Variants in MAP1B observed in about 807,000 individuals in gnomAD.
MAP1B encodes the protein microtubule associated protein 1B.
In MAP1B, 12 loss-of-function variants were observed where a neutral mutation model predicts 176.1. That is an observed-to-expected ratio of 0.07 (90% CI 0.04 to 0.11). The LOEUF is 0.11. Among genes scored for constraint, MAP1B ranks in the 10% least tolerant of loss-of-function variants. MAP1B has a pLI of 1.00. For synonymous variants in MAP1B, 1,044 were observed against 1,135.0 expected, an observed-to-expected ratio of 0.92 and a Z score of 1.61; for missense variants, 2,523 against 2,990.5, an observed-to-expected ratio of 0.84 and a Z score of 3.65.
chr5:72,118,444 AG>A (rs1459602076), intron 2 of MAP1B, among the ~76,000 whole-genome samples: 1 of 152,218 alleles, frequency 6.6e-6, no homozygotes. Context: ...CAGGCATTAT[AG>A]GGTGCTTGGT....
At chr5:72,146,552 C>G (rs1326303368) in intron 2 of MAP1B, among the ~76,000 whole-genome samples, 1 of 152,188 alleles carries the variant, frequency 6.6e-6, no homozygotes, top group African/African-American at 2.4e-5. Flanking sequence ...ATCCTCATAG[C>G]CTTCCAAGAG....
At chr5:72,161,956 C>CAAAAAAAAAAAAAAAAAAAAAA (rs4043357) in intron 2 of MAP1B, among the ~76,000 whole-genome samples, 2 of 85,022 alleles carry the variant, frequency 2.4e-5, no homozygotes, top group Non-Finnish European at 4.6e-5. Flanking sequence ...AATTCCGTCT[C>CAAAAAAAAAAAAAAAAAAAAAA]AAAAAAAAAA....
At chr5:72,121,585 C>T (rs753955808) in intron 2 of MAP1B, among the ~76,000 whole-genome samples, 11 of 152,170 alleles carry the variant, frequency 7.2e-5, no homozygotes, top group Non-Finnish European at 1.2e-4. Flanking sequence ...TTAGAATCAG[C>T]CCTTTGAATT....
chr5:72,143,702 A>C (rs1386761413), intron 2 of MAP1B, among the ~76,000 whole-genome samples: 1 of 152,174 alleles, frequency 6.6e-6, no homozygotes, highest in Non-Finnish European at 1.5e-5. Context: ...ATTGTCTCAC[A>C]TTCCAAGAGG....
In MAP1B at chr5:72,206,275, C is replaced by T. The variant is rs538062196; in HGVS notation, c.*1036C>T. The T allele has an allele frequency of 2.0e-5, 3 of 152,738 alleles. No homozygotes were observed. The highest frequency in any genetic ancestry group is 4.4e-5 in the Non-Finnish European group (3 of 68,040). 9.5% of individuals were successfully genotyped at this position (152,738 alleles called of 1,614,324 possible). On this transcript the variant is annotated 3_prime_UTR_variant, in exon 7 of 7. Coordinates refer to ENST00000296755, the MANE Select transcript of MAP1B (RefSeq NM_005909.5). ...AAACATCCATATAGGATTATAGATA[C>T]TTAAAGGAACACGTGGGTGAGCGTG...
At chr5:72,188,833 C>T (rs1310200450) in intron 4 of MAP1B, among the ~76,000 whole-genome samples, 1 of 152,202 alleles carries the variant, frequency 6.6e-6, no homozygotes, top group Non-Finnish European at 1.5e-5. Context: ...TTTGATTATA[C>T]TCAGGCAGGT....
intron 2 of MAP1B, among the ~76,000 whole-genome samples, chr5:72,141,859 A>T (rs1745954333): frequency 6.6e-6 from 1 of 152,176 alleles, no homozygotes; most frequent in African/African-American, 2.4e-5. Context: ...TTCCACCCTA[A>T]TTCTGGATTA....
intron 1 of MAP1B, 59 bp from the exon 2 acceptor site, chr5:72,115,639 C>G: frequency 1.0e-6 from 1 of 958,726 alleles, no homozygotes; most frequent in South Asian, 1.3e-5. Context: ...TGATGTTGTC[C>G]AAACCACTCT....
rs532036068 is a variant in MAP1B at position 72,201,765 on chromosome 5, G to T, written c.7012+1398G>T. 2.0e-5 allele frequency among the ~76,000 whole-genome samples: 3 copies of T among 152,274 alleles called. No homozygotes were observed. In the South Asian group the frequency reaches 6.2e-4, roughly 32 times the overall value. On this transcript the variant is annotated intron_variant, in intron 5 of 6. Coordinates refer to ENST00000296755, the MANE Select transcript of MAP1B (RefSeq NM_005909.5). ...ACTTTAGGATACATTTGTTAAAACTGCAAATTTTTACTTTAAACAATATGG... is the reference window on the plus strand; with the variant it reads ...ACTTTAGGATACATTTGTTAAAACTTCAAATTTTTACTTTAAACAATATGG...
intron 2 of MAP1B, among the ~76,000 whole-genome samples, chr5:72,167,155 A>G (rs1052943799): frequency 1.8e-4 from 27 of 152,106 alleles, no homozygotes. Context: ...AATTTACATC[A>G]TGGTTTAGCG....
rs1183155437 is a variant in MAP1B, at chr5:72,195,127, A to G, written c.1772A>G (p.Asp591Gly). 4 of 1,613,522 alleles carry G rather than the reference A, an allele frequency of 2.5e-6. No individual in the cohort carries two copies. The highest frequency in any genetic ancestry group is 3.3e-5 in the Admixed American group (2 of 59,972). Reference protein sequence around the residue: ...ESKEKVMVKKDKPIKTETKPS... With the variant: ...ESKEKVMVKKGKPIKTETKPS... Reference sequence around the variant, plus strand: ...AAAGAAAAGGTAATGGTGAAAAAAGACAAGCCAATAAAAACAGAGACCAAA... The same window carrying G: ...AAAGAAAAGGTAATGGTGAAAAAAGGCAAGCCAATAAAAACAGAGACCAAA... Residue 591 changes from aspartate (D) to glycine (G), a missense_variant, in exon 5 of 7, where the codon GAC becomes GGC. Around this residue, in one of 4 missense-constraint regions of MAP1B, gnomAD observed 1,925 missense variants for 2,126.0 expected, o/e 0.91. Transcript: ENST00000296755.
At chr5:72,110,055 G>T (rs918871199) in intron 1 of MAP1B, among the ~76,000 whole-genome samples, 2 of 152,124 alleles carry the variant, frequency 1.3e-5, no homozygotes, top group Non-Finnish European at 2.9e-5. Context: ...ATTCAGATTT[G>T]TCTTCTTGAC....
Position 72,199,291 on chromosome 5 carries a change from G to A in MAP1B, c.5936G>A (p.Arg1979Lys), listed in dbSNP as rs557936552. The A allele has an allele frequency of 1.3e-5, 21 of 1,614,104 alleles. No homozygotes were observed. Among genetic ancestry groups the A allele is most frequent in the Admixed American group, 5.0e-5 (3 of 60,030 alleles). The change falls in exon 5 of 7, where the codon AGG (arginine) becomes AAG (lysine). Residue 1979 changes from arginine (R) to lysine (K), a missense_variant. By Grantham distance (26) the Arg-to-Lys change is conservative. This residue lies in a region of MAP1B where 1,925 missense variants were observed against 2,126.0 expected (regional missense o/e 0.91). Coordinates refer to ENST00000296755, the MANE Select transcript of MAP1B (RefSeq NM_005909.5). The surrounding 1 kb of genome is among the most constrained non-coding windows in gnomAD (Gnocchi z 4.2). ...VSGYSYEKTE[R>K]SRRLLDDISN... Reference sequence around the variant, plus strand: ...GGTTACAGCTATGAAAAGACTGAGAGGTCTAGAAGGCTTCTGGATGACATC... The same window carrying A: ...GGTTACAGCTATGAAAAGACTGAGAAGTCTAGAAGGCTTCTGGATGACATC...
At position 72,196,100 on chromosome 5, in the gene MAP1B, C is replaced by T. The variant is rs1747159510; in HGVS notation, c.2745C>T (p.Val915=). 1.5e-5 allele frequency: 24 copies of T among 1,613,772 alleles called. No individual in the cohort carries two copies. Among genetic ancestry groups the T allele is most frequent in the Non-Finnish European group, 1.9e-5 (22 of 1,180,010 alleles). Residue 915 remains valine, a synonymous_variant, in exon 5 of 7, where the codon GTC becomes GTT. Coordinates refer to ENST00000296755, the MANE Select transcript of MAP1B (RefSeq NM_005909.5). The surrounding 1 kb of genome is among the most constrained non-coding windows in gnomAD (Gnocchi z 5.3). ...AGACACCTGAGGAGCTGGAGCCCGT[C>T]GAGAAGCAGGGAGTAGACGACATTG... ...CEQTPEELEP[V]EKQGVDDIEK...
chr5:72,177,488 C>T (rs1746673639), intron 2 of MAP1B, among the ~76,000 whole-genome samples: 1 of 152,172 alleles, frequency 6.6e-6, no homozygotes, highest in Non-Finnish European at 1.5e-5. Flanking sequence ...GGCCAGGCCT[C>T]TGGGCCCCAG....
chr5:72,187,973 TCA>T (rs1321089476), intron 4 of MAP1B, among the ~76,000 whole-genome samples: 1 of 152,212 alleles, frequency 6.6e-6, no homozygotes, highest in Non-Finnish European at 1.5e-5. Flanking sequence ...AGCTCCTTTC[TCA>T]GAGGCTTCAG....
At chr5:72,200,434 A>G (rs748829538) in intron 5 of MAP1B, 67 bp downstream of exon 5, 3 of 1,547,622 alleles carry the variant, frequency 1.9e-6, no homozygotes, top group Non-Finnish European at 2.6e-6. Context: ...CAGCCTTTAT[A>G]TTTCCCTGTT....
At chr5:72,119,760 T>TG (rs1454120933) in intron 2 of MAP1B, among the ~76,000 whole-genome samples, 3 of 152,166 alleles carry the variant, frequency 2.0e-5, no homozygotes, top group Admixed American at 2.0e-4. Context: ...CTGTCTGCCT[T>TG]GGCCTCAAAG....
chr5:72,110,312 C>A (rs1356126874), intron 1 of MAP1B, among the ~76,000 whole-genome samples: 1 of 152,152 alleles, frequency 6.6e-6, no homozygotes, highest in East Asian at 1.9e-4. Flanking sequence ...CTGTATTGAT[C>A]CCATTAAGAA....
Sources: gnomAD v4.1 joint callset for allele counts (sites outside exome capture counted in the v4.1 genomes callset) on GRCh38, gnomAD v4.1.1 for gene constraint, gnomAD v4.1.1 regional missense constraint, Gnocchi (gnomAD v3.1) non-coding constraint, MANE v1.5 for transcripts, NCBI Gene and HGNC (gene_info 2026-07-23, HGNC 2026-07-21) for gene names.